WWOX: variants seen among roughly 807,000 people sequenced by gnomAD.
WWOX encodes the protein WW domain containing oxidoreductase.
WWOX carries 69 observed loss-of-function variants against 46.2 expected under a neutral mutation model. That is an observed-to-expected ratio of 1.49 (90% CI 1.23 to 1.82). The LOEUF (loss-of-function observed/expected upper bound fraction) is 1.82. Among genes scored for constraint, WWOX ranks in the 40% most tolerant of loss-of-function variants. WWOX has a pLI of 0.00. For missense variants in WWOX, 919 were observed against 542.6 expected (o/e 1.69, Z -6.89); for synonymous variants, 359 against 202.6 (o/e 1.77, Z -6.56).
At chr16:79,025,630 T>G (rs983082813) in intron 8 of WWOX, among the ~76,000 whole-genome samples, 2 of 152,136 alleles carry the variant, frequency 1.3e-5, no homozygotes, top group African/African-American at 4.8e-5. Context: ...ACACCTAGAC[T>G]TTAGACTTCT....
At chr16:78,775,682 G>A (rs1363392768) in intron 8 of WWOX, among the ~76,000 whole-genome samples, 1 of 152,122 alleles carries the variant, frequency 6.6e-6, no homozygotes, top group African/African-American at 2.4e-5. Context: ...AATATGGTGC[G>A]AGCAATGGTT....
chr16:78,929,206 T>C (rs12932804), intron 8 of WWOX, among the ~76,000 whole-genome samples: 91,843 of 151,874 alleles, frequency 0.6, 28,516 homozygotes, highest in East Asian at 0.83. Context: ...TTCGAATTAT[T>C]TTCATAAACT....
At chr16:79,200,759 G>A (rs889910852) in intron 8 of WWOX, among the ~76,000 whole-genome samples, 1 of 152,174 alleles carries the variant, frequency 6.6e-6, no homozygotes, top group African/African-American at 2.4e-5. Flanking sequence ...TAGAAATGGT[G>A]AAAGGACTGG....
intron 8 of WWOX, among the ~76,000 whole-genome samples, chr16:79,085,954 C>G (rs1422482624): frequency 6.6e-6 from 1 of 152,062 alleles, no homozygotes; most frequent in Non-Finnish European, 1.5e-5. Context: ...CACCTGTAGT[C>G]CCAGCTACTT....
At chr16:79,196,581 A>G (rs1199803180) in intron 8 of WWOX, 2 of 152,136 alleles carry the variant, frequency 1.3e-5, no homozygotes, top group Non-Finnish European at 2.9e-5. Context: ...TTCCAATCCC[A>G]TAAGCAGCCC....
In WWOX at chr16:78,924,096, C is replaced by T. The variant is rs974211547; in HGVS notation, c.1057-287512C>T. On this transcript the variant is annotated intron_variant, in intron 8 of 8. Coordinates refer to ENST00000566780, the MANE Select transcript of WWOX (RefSeq NM_016373.4). The stretch of plus-strand genomic sequence containing the variant: ...CCTCCCAAAGTGCTGGGATTACAGA[C>T]ATGAGCCGCTGTGCCCGGCTGCTAG... Among the ~76,000 whole-genome samples the T allele has an allele frequency of 1.2e-4, 18 of 152,182 alleles. 1 individual carries two copies. The highest frequency in any genetic ancestry group is 8.5e-4 in the Admixed American group (13 of 15,282).
intron 8 of WWOX, among the ~76,000 whole-genome samples, chr16:78,657,001 C>T (rs765286828): frequency 2.4e-4 from 37 of 152,220 alleles, no homozygotes; most frequent in African/African-American, 7.0e-4. Context: ...GGTGGATGAG[C>T]GTTTTGCTTC....
At chr16:78,731,315 T>G (rs1807155846) in intron 8 of WWOX, among the ~76,000 whole-genome samples, 1 of 152,134 alleles carries the variant, frequency 6.6e-6, no homozygotes. Flanking sequence ...AGCTGCCAAT[T>G]CCTCTGCTTT....
intron 8 of WWOX, among the ~76,000 whole-genome samples, chr16:79,083,930 C>T (rs530905563): frequency 7.2e-5 from 11 of 152,278 alleles, no homozygotes; most frequent in East Asian, 5.8e-4. Context: ...TTTATGAGGT[C>T]GTGCTTTGCA....
At chr16:78,137,130 C>T (rs1048639371) in intron 4 of WWOX, among the ~76,000 whole-genome samples, 8 of 152,088 alleles carry the variant, frequency 5.3e-5, no homozygotes, top group African/African-American at 1.7e-4. Context: ...AATGGAGATC[C>T]CTTCACCCAG....
chr16:78,993,037 TC>T (rs1254061735), intron 8 of WWOX, among the ~76,000 whole-genome samples: 1 of 152,206 alleles, frequency 6.6e-6, no homozygotes, highest in African/African-American at 2.4e-5. Flanking sequence ...AGGCTTTTTT[TC>T]ATATATAATT....
intron 8 of WWOX, among the ~76,000 whole-genome samples, chr16:79,011,432 C>G (rs981263176): frequency 6.6e-6 from 1 of 150,746 alleles, no homozygotes; most frequent in East Asian, 1.9e-4. Context: ...TTTTCATCCC[C>G]CATAGTCTTC....
intron 8 of WWOX, among the ~76,000 whole-genome samples, chr16:78,969,269 C>CTCT (rs564040307): frequency 4.9e-5 from 7 of 142,622 alleles, no homozygotes; most frequent in South Asian, 2.2e-4. Context: ...CTCTCTCTCT[C>CTCT]TTTTTTTTTT....
At chr16:78,472,176 A>G (rs898220073) in intron 8 of WWOX, among the ~76,000 whole-genome samples, 2 of 152,298 alleles carry the variant, frequency 1.3e-5, no homozygotes, top group East Asian at 3.9e-4. Context: ...AATTCAAATT[A>G]AAACCCCAAC....
At chr16:78,997,251 T>C (rs1597253972) in intron 8 of WWOX, among the ~76,000 whole-genome samples, 1 of 152,176 alleles carries the variant, frequency 6.6e-6, no homozygotes, top group East Asian at 1.9e-4. Flanking sequence ...GATGCCAAAA[T>C]AAGCAGTCCC....
chr16:79,057,409 G>C (rs1037110673), intron 8 of WWOX, among the ~76,000 whole-genome samples: 2 of 152,148 alleles, frequency 1.3e-5, no homozygotes, highest in Non-Finnish European at 2.9e-5. Flanking sequence ...TTTACCAACT[G>C]TTTTTGCTAA....
At chr16:78,959,982 C>G (rs1369503615) in intron 8 of WWOX, among the ~76,000 whole-genome samples, 1 of 152,146 alleles carries the variant, frequency 6.6e-6, no homozygotes, top group Non-Finnish European at 1.5e-5. Context: ...AGGTGAGAGA[C>G]TTCTGGTTAA....
At chr16:78,929,764 C>T (rs1297395052) in intron 8 of WWOX, among the ~76,000 whole-genome samples, 1 of 152,110 alleles carries the variant, frequency 6.6e-6, no homozygotes, top group Admixed American at 6.5e-5. Flanking sequence ...TGCAGAGGGT[C>T]AGTCCAAGGT....
intron 8 of WWOX, among the ~76,000 whole-genome samples, chr16:79,082,920 G>C (rs1349315449): frequency 1.3e-5 from 2 of 152,166 alleles, no homozygotes; most frequent in Non-Finnish European, 2.9e-5. Context: ...TCGGTTTTGG[G>C]AGGCCGGGGA....
Sources: allele counts gnomAD v4.1 joint callset (sites outside exome capture counted in the v4.1 genomes callset), GRCh38; gene constraint gnomAD v4.1.1; transcripts MANE v1.5; gene names NCBI Gene and HGNC (gene_info 2026-07-23, HGNC 2026-07-21).